The following HMGB1 variants were observed in gnomAD, a reference collection of about 807,000 sequenced individuals.
HMGB1 encodes high mobility group box 1, also known as high mobility group protein B1.
For missense variants in HMGB1, 79 were observed against 253.5 expected, an observed-to-expected ratio of 0.31 and a Z score of 4.67; for synonymous variants, 81 against 84.0, an observed-to-expected ratio of 0.96 and a Z score of 0.19.
intron 1 of HMGB1, among the ~76,000 whole-genome samples, chr13:30,547,536 A>G (rs1163450679): frequency 6.6e-6 from 1 of 152,238 alleles, no homozygotes. Context: ...TGTTGATACA[A>G]ACCACTGAGT....
chr13:30,532,057 G>T (rs2137487393), intron 1 of HMGB1, among the ~76,000 whole-genome samples: 1 of 150,872 alleles, frequency 6.6e-6, no homozygotes, highest in South Asian at 2.1e-4. Flanking sequence ...TAAAAAATCA[G>T]GCCAGGCGCA....
chr13:30,523,436 A>G (rs7338997), intron 1 of HMGB1, among the ~76,000 whole-genome samples: 120,559 of 152,128 alleles, frequency 0.79, 48,182 homozygotes, highest in Non-Finnish European at 0.84. Flanking sequence ...GGAAAAGTCA[A>G]CTTCGAATCA....
chr13:30,617,419 CT>C (rs1950578824), exon 1 of HMGB1: 2 of 151,992 alleles, frequency 1.3e-5, no homozygotes, highest in South Asian at 4.2e-4. Flanking sequence ...CGCGGCCCAG[CT>C]GTGAAGGCCG....
At chr13:30,616,999 C>G (rs956095064) in exon 1 of HMGB1, 1 of 152,258 alleles carries the variant, frequency 6.6e-6, no homozygotes, top group African/African-American at 2.4e-5. Context: ...TTAGAATGCA[C>G]AGGCAGAAAT....
intron 1 of HMGB1, chr13:30,543,393 C>T (rs559886218): frequency 6.5e-6 from 1 of 153,314 alleles, no homozygotes; most frequent in South Asian, 2.0e-4. Flanking sequence ...TCCCAAAGTG[C>T]TGGGATGGAC....
intron 1 of HMGB1, among the ~76,000 whole-genome samples, chr13:30,513,846 G>A (rs1269979914): frequency 6.6e-6 from 1 of 152,174 alleles, no homozygotes; most frequent in African/African-American, 2.4e-5. Context: ...TTCAACATGA[G>A]TTTTGGAGGT....
intron 1 of HMGB1, among the ~76,000 whole-genome samples, chr13:30,556,757 C>T (rs8001518): frequency 0.77 from 117,425 of 152,130 alleles, 47,345 homozygotes; most frequent in Middle Eastern, 0.92. Flanking sequence ...GAGGCTGGGA[C>T]GAGAGTGACA....
At chr13:30,490,110 A>G (rs1421027126) in intron 1 of HMGB1, among the ~76,000 whole-genome samples, 1 of 150,326 alleles carries the variant, frequency 6.7e-6, no homozygotes, top group Admixed American at 6.7e-5. Context: ...CAGATCCTTT[A>G]GCTATCTTCC....
chr13:30,593,768 T>C (rs577577080), intron 1 of HMGB1, among the ~76,000 whole-genome samples: 1 of 152,236 alleles, frequency 6.6e-6, no homozygotes, highest in African/African-American at 2.4e-5. Context: ...ATAAAAAAAA[T>C]CAGACAGATC....
At chr13:30,539,189 G>A (rs563712932) in intron 1 of HMGB1, among the ~76,000 whole-genome samples, 12 of 152,308 alleles carry the variant, frequency 7.9e-5, no homozygotes, top group East Asian at 3.9e-4. Context: ...AAGCCACTGC[G>A]CCCAGCCAGC....
At chr13:30,614,874 T>C (rs1296969547) in intron 1 of HMGB1, among the ~76,000 whole-genome samples, 1 of 127,206 alleles carries the variant, frequency 7.9e-6, no homozygotes, top group African/African-American at 3.5e-5. Context: ...AATTTTTGTA[T>C]TTTTTTTTTT....
chr13:30,586,209 T>A (rs1370410019), intron 1 of HMGB1, among the ~76,000 whole-genome samples: 1 of 152,154 alleles, frequency 6.6e-6, no homozygotes, highest in African/African-American at 2.4e-5. Flanking sequence ...CATGCACAGC[T>A]ATGCCTGGCT....
At chr13:30,464,699 T>G (rs1565995327) in intron 1 of HMGB1, 2 of 846,434 alleles carry the variant, frequency 2.4e-6, no homozygotes, top group Non-Finnish European at 1.4e-6. Flanking sequence ...GCTGCGCGTC[T>G]TCTCCGCCTG....
chr13:30,586,948 C>A (rs942683911), intron 1 of HMGB1, among the ~76,000 whole-genome samples: 1 of 152,024 alleles, frequency 6.6e-6, no homozygotes, highest in East Asian at 1.9e-4. Flanking sequence ...AATGTTTGTT[C>A]CCCCAAGTAT....
chr13:30,463,654 C>G lies in HMGB1; in HGVS notation c.27G>C (p.Pro9=). 3 of 1,585,610 alleles carry G rather than the reference C, an allele frequency of 1.9e-6. No homozygotes were observed. The highest frequency in any genetic ancestry group is 2.6e-6 in the Non-Finnish European group (3 of 1,167,976). ...ATGCATATGATGACATTTTGCCTCT[C>G]GGCTTCTTAGGATCTCCTTTGCCCA... MGKGDPKK[P]RGKMSSYAFF... The change falls in exon 2 of 5, where the codon CCG becomes CCC. Residue 9 remains proline (P), a synonymous_variant. Coordinates refer to ENST00000341423, the MANE Select transcript of HMGB1 (RefSeq NM_002128.7).
chr13:30,518,664 A>T (rs755255389), intron 1 of HMGB1, among the ~76,000 whole-genome samples: 8 of 152,070 alleles, frequency 5.3e-5, no homozygotes, highest in African/African-American at 1.9e-4. Context: ...CCTGACACAG[A>T]GTAAGGGAGC....
At chr13:30,592,171 AT>A (rs1402824781) in intron 1 of HMGB1, among the ~76,000 whole-genome samples, 1 of 148,736 alleles carries the variant, frequency 6.7e-6, no homozygotes, top group African/African-American at 2.5e-5. Flanking sequence ...TAGCCACAAA[AT>A]TAAAAAAAAA....
Position 30,577,424 on chromosome 13 carries a change from T to G in HMGB1, c.-15+39247A>C, listed in dbSNP as rs117938771. ...CAATCCTGATAGCACCTGGAGGACT[T>G]CCAGCCTCCAGAGCTGTGAGAAAAT... On this transcript the variant is annotated intron_variant, in intron 1 of 4. Transcript: ENST00000405805. Among the ~76,000 whole-genome samples, 530 of 151,714 alleles carry G rather than the reference T, an allele frequency of 3.5e-3. 1 individual carries two copies. Among genetic ancestry groups the G allele is most frequent in the Non-Finnish European group, 6.1e-3 (416 of 67,918 alleles).
At chr13:30,609,631 G>T (rs1251814600) in intron 1 of HMGB1, among the ~76,000 whole-genome samples, 1 of 152,150 alleles carries the variant, frequency 6.6e-6, no homozygotes, top group Non-Finnish European at 1.5e-5. Flanking sequence ...GGTGCAGGTG[G>T]TTTTTGGTTA....
Sources: gnomAD v4.1 joint callset for allele counts (sites outside exome capture counted in the v4.1 genomes callset) on GRCh38, gnomAD v4.1.1 for gene constraint, MANE v1.5 for transcripts, NCBI Gene and HGNC (gene_info 2026-07-23, HGNC 2026-07-21) for gene names.